Variants in DNMBP observed in about 807,000 individuals in gnomAD.
DNMBP encodes the protein dynamin-binding protein.
A neutral mutation model predicts 150.0 loss-of-function variants in DNMBP; 87 were observed. That is an observed-to-expected ratio of 0.58 (90% confidence interval 0.49 to 0.69). The LOEUF (loss-of-function observed/expected upper bound fraction) is 0.69, where lower values mean the gene tolerates loss of function less well. Ranked by LOEUF, DNMBP falls within the 30% of genes least tolerant of loss-of-function variation. The probability of loss-of-function intolerance (pLI) is 0.00; values close to 1 mark genes in which losing one functional copy is unlikely to be tolerated. For missense variants in DNMBP, 1,774 were observed against 1,949.0 expected, an observed-to-expected ratio of 0.91 and a Z score of 1.69; for synonymous variants, 711 against 750.4, an observed-to-expected ratio of 0.95 and a Z score of 0.86.
At chr10:99,976,719 C>T (rs1161278486) in intron 1 of DNMBP, among the ~76,000 whole-genome samples, 3 of 151,944 alleles carry the variant, frequency 2.0e-5, no homozygotes, top group Non-Finnish European at 4.4e-5. Context: ...TTCTGGCTGT[C>T]TTCCAGAGGA....
chr10:99,895,263 A>C (rs2039636405), intron 10 of DNMBP, among the ~76,000 whole-genome samples: 1 of 151,910 alleles, frequency 6.6e-6, no homozygotes, highest in African/African-American at 2.4e-5. Context: ...CATAGCTGAG[A>C]TTACAGGCTT....
At chr10:99,915,938 C>T (rs1554863257) in intron 4 of DNMBP, among the ~76,000 whole-genome samples, 1 of 152,100 alleles carries the variant, frequency 6.6e-6, no homozygotes, top group Non-Finnish European at 1.5e-5. Context: ...TATTCTGTCT[C>T]TTTTTTTCCC....
intron 1 of DNMBP, among the ~76,000 whole-genome samples, chr10:99,985,180 T>A (rs2040816925): frequency 6.6e-6 from 1 of 152,070 alleles, no homozygotes; most frequent in Admixed American, 6.6e-5. Flanking sequence ...ATAGCTAAGA[T>A]CATTAGCAGG....
intron 12 of DNMBP, among the ~76,000 whole-genome samples, chr10:99,886,848 T>C (rs909526141): frequency 6.6e-6 from 1 of 152,128 alleles, no homozygotes; most frequent in Non-Finnish European, 1.5e-5. Context: ...ATACCTTCAA[T>C]TCCCACATCA....
chr10:99,929,624 G>A (rs1564735439), intron 4 of DNMBP: 1 of 684,306 alleles, frequency 1.5e-6, no homozygotes, highest in Admixed American at 2.2e-5. Context: ...TTTTCTTGCT[G>A]TTTTGCACGA....
At position 99,880,080 on chromosome 10, in the gene DNMBP, A is replaced by G. The variant is rs776018527; in HGVS notation, c.4279T>C (p.Ser1427Pro). The G allele has an allele frequency of 4.3e-6, 7 of 1,614,024 alleles. No homozygotes were observed. In the African/African-American group the frequency reaches 9.3e-5, roughly 22 times the overall value. The change falls in exon 16 of 17, where the codon TCA becomes CCA. Residue 1427 changes from serine (S) to proline (P), a missense_variant. This residue lies in a region of DNMBP where 1,430 missense variants were observed against 1,492.5 expected (regional missense o/e 0.96). Coordinates refer to ENST00000324109, the MANE Select transcript of DNMBP (RefSeq NM_015221.4). The stretch of plus-strand genomic sequence containing the variant: ...GGGCATCTGGAAGGACTACTCTCTG[A>G]ATTACTCGGATTTAGGGATGCACTG... Reference protein sequence around the residue: ...TLSASLNPSNSESSPSRCPSD... With the variant: ...TLSASLNPSNPESSPSRCPSD...
chr10:99,960,656 A>C (rs2040554570), intron 3 of DNMBP, among the ~76,000 whole-genome samples: 1 of 151,738 alleles, frequency 6.6e-6, no homozygotes, highest in Non-Finnish European at 1.5e-5. Context: ...AAAATACAAA[A>C]TTAGCCAGGT....
At chr10:99,955,187 A>G in intron 4 of DNMBP, 27 bp downstream of exon 4, 1 of 1,588,442 alleles carries the variant, frequency 6.3e-7, no homozygotes, top group Non-Finnish European at 8.6e-7. Flanking sequence ...TCAAGAAACA[A>G]TTACATATTA....
intron 1 of DNMBP, among the ~76,000 whole-genome samples, chr10:99,998,605 CA>C (rs2133385680): frequency 6.8e-6 from 1 of 146,402 alleles, no homozygotes; most frequent in East Asian, 2.0e-4. Flanking sequence ...AAAAGAAACA[CA>C]TTAACTAAAT....
chr10:99,921,747 C>A (rs1010503971), intron 4 of DNMBP, among the ~76,000 whole-genome samples: 1 of 151,220 alleles, frequency 6.6e-6, no homozygotes, highest in Admixed American at 6.6e-5. Context: ...TGCCTATAGT[C>A]CCAGCTACTC....
chr10:99,956,277 G>A lies in DNMBP; in HGVS notation c.1197C>T (p.Asp399=). ...GVEWEMPLAT[D]SPTSDPTEVV... ...CTTCTGTAGGGTCAGATGTGGGAGA[G>A]TCTGTGGCAAGAGGCATTTCCCACT... The change falls in exon 4 of 17, where the codon GAC becomes GAT. Residue 399 remains aspartate, a synonymous_variant. Coordinates refer to ENST00000324109, the MANE Select transcript of DNMBP (RefSeq NM_015221.4). 1.2e-6 allele frequency: 2 copies of A among 1,613,720 alleles called. No individual in the cohort carries two copies. The highest frequency in any genetic ancestry group is 1.7e-6 in the Non-Finnish European group (2 of 1,179,940).
intron 4 of DNMBP, among the ~76,000 whole-genome samples, chr10:99,951,837 C>T (rs904280855): frequency 6.6e-6 from 1 of 152,142 alleles, no homozygotes; most frequent in Non-Finnish European, 1.5e-5. Context: ...TGAGTTAATG[C>T]TGAAATGAGT....
chr10:100,000,981 C>T (rs1283833214), intron 1 of DNMBP, among the ~76,000 whole-genome samples: 1 of 150,884 alleles, frequency 6.6e-6, no homozygotes, highest in Non-Finnish European at 1.5e-5. Context: ...GCCTGTAATC[C>T]CAGCACTTTG....
At chr10:99,926,635 C>T (rs1474333182) in intron 4 of DNMBP, among the ~76,000 whole-genome samples, 1 of 152,168 alleles carries the variant, frequency 6.6e-6, no homozygotes, top group Non-Finnish European at 1.5e-5. Flanking sequence ...GCCAAAGGTT[C>T]CAGTCTGGGG....
chr10:99,964,953 G>A (rs537104447), intron 3 of DNMBP, among the ~76,000 whole-genome samples: 45 of 151,680 alleles, frequency 3.0e-4, no homozygotes, highest in African/African-American at 1.1e-3. Flanking sequence ...CATAGCTTCA[G>A]GAAAAGGAAG....
At chr10:99,883,786 G>T (rs1242376634) in intron 15 of DNMBP, among the ~76,000 whole-genome samples, 1 of 152,108 alleles carries the variant, frequency 6.6e-6, no homozygotes, top group African/African-American at 2.4e-5. Context: ...GAGCTTGCAT[G>T]ATAAGCAACG....
intron 11 of DNMBP, among the ~76,000 whole-genome samples, chr10:99,891,735 T>A (rs1276588904): frequency 1.4e-5 from 2 of 144,028 alleles, no homozygotes; most frequent in Non-Finnish European, 3.0e-5. Context: ...GAGGAGCACC[T>A]CTTCCCGGCC....
chr10:99,996,171 C>T (rs1203757126), intron 1 of DNMBP, among the ~76,000 whole-genome samples: 1 of 152,134 alleles, frequency 6.6e-6, no homozygotes, highest in African/African-American at 2.4e-5. Context: ...AGAATATTCA[C>T]CAAGCCTGAA....
chr10:99,999,145 A>G (rs2040984312), intron 1 of DNMBP, among the ~76,000 whole-genome samples: 1 of 152,202 alleles, frequency 6.6e-6, no homozygotes, highest in South Asian at 2.1e-4. Context: ...TTAGTCTCGC[A>G]TACCCTGAAA....
Sources: gnomAD v4.1 joint callset for allele counts (sites outside exome capture counted in the v4.1 genomes callset) on GRCh38, gnomAD v4.1.1 for gene constraint, gnomAD v4.1.1 regional missense constraint, MANE v1.5 for transcripts, NCBI Gene and HGNC (gene_info 2026-07-23, HGNC 2026-07-21) for gene names.